Variants in CCDC9 observed in about 807,000 individuals in gnomAD.
CCDC9 encodes coiled-coil domain-containing protein 9.
A neutral mutation model predicts 65.6 loss-of-function variants in CCDC9; 52 were observed. The ratio of observed to expected loss-of-function variants is 0.79; its 90% CI spans 0.63 to 1.00. CCDC9 has a LOEUF of 1.00. Ranked by LOEUF, CCDC9 falls within the 50% of genes least tolerant of loss-of-function variation. The probability of loss-of-function intolerance (pLI) is 0.00; values close to 1 mark genes in which losing one functional copy is unlikely to be tolerated. For synonymous variants in CCDC9, 332 were observed against 280.3 expected, an observed-to-expected ratio of 1.18 and a Z score of -1.84; for missense variants, 834 against 757.2, an observed-to-expected ratio of 1.10 and a Z score of -1.19.
intron 8 of CCDC9, among the ~76,000 whole-genome samples, chr19:47,267,564 C>T (rs1348907673): frequency 6.6e-6 from 1 of 152,200 alleles, no homozygotes; most frequent in Non-Finnish European, 1.5e-5. Context: ...AGGCTGAGGG[C>T]AGCAGCTGCC....
In CCDC9 at chr19:47,271,361, A is replaced by G. The variant is rs146565921; in HGVS notation, c.1279A>G (p.Ile427Val). The G allele has an allele frequency of 4.3e-6, 7 of 1,613,542 alleles. No individual in the cohort carries two copies. The highest frequency in any genetic ancestry group is 3.3e-5 in the South Asian group (3 of 91,042). ...EGEEDEEWED[I>V]SEDEEEEEIE... Reference sequence around the variant, plus strand: ...GGAAGAGGATGAAGAATGGGAGGACATAAGTGAGGATGAGGAAGAGGAGGA... The same window carrying G: ...GGAAGAGGATGAAGAATGGGAGGACGTAAGTGAGGATGAGGAAGAGGAGGA... The change falls in exon 12 of 12, where the codon ATA becomes GTA. Residue 427 changes from isoleucine to valine, a missense_variant. Coordinates refer to ENST00000221922, the MANE Select transcript of CCDC9 (RefSeq NM_015603.3).
At chr19:47,270,522 C>A in intron 9 of CCDC9, 31 bp from the exon 10 acceptor site, 1 of 1,614,184 alleles carries the variant, frequency 6.2e-7, no homozygotes, top group Non-Finnish European at 8.5e-7. Context: ...CCACACCTTC[C>A]CTTCCCAATG....
chr19:47,263,341 C>G (rs1392181241), intron 5 of CCDC9, among the ~76,000 whole-genome samples: 1 of 152,012 alleles, frequency 6.6e-6, no homozygotes, highest in Non-Finnish European at 1.5e-5. Flanking sequence ...GATCACAAAG[C>G]AAAATCAGCA....
At chr19:47,272,116 C>A, downstream of CCDC9, 9 of 1,235,860 alleles carry the variant, frequency 7.3e-6, no homozygotes, top group South Asian at 3.6e-4. Flanking sequence ...GCCCAGCCTC[C>A]GAGGAACCCA....
downstream of CCDC9, chr19:47,274,801 G>T (rs868207831): frequency 1.4e-3 from 956 of 699,810 alleles, 9 homozygotes; most frequent in African/African-American, 0.018. Context: ...GACCATGCTG[G>T]CGGGGGCGGG....
At chr19:47,273,969 T>C, downstream of CCDC9, 1 of 984,798 alleles carries the variant, frequency 1.0e-6, no homozygotes, top group Non-Finnish European at 1.2e-6. Context: ...CCCGCAGGCC[T>C]CCCCGAATTC....
rs925738058 is a variant in CCDC9, at chr19:47,270,788, C to T, written c.1085+100C>T. On this transcript the variant is annotated intron_variant, in intron 10 of 11. Coordinates refer to ENST00000221922, the MANE Select transcript of CCDC9 (RefSeq NM_015603.3). ...AAGGTGTGGGTACATCTGTCTGTCCCTGTCTTTGTCTTGGCCCTGTCTATC... is the reference window on the plus strand; with the variant it reads ...AAGGTGTGGGTACATCTGTCTGTCCTTGTCTTTGTCTTGGCCCTGTCTATC... 2.6e-5 allele frequency: 35 copies of T among 1,333,296 alleles called. No individual in the cohort carries two copies. In the Middle Eastern group the frequency reaches 8.0e-4, roughly 31 times the overall value. 82.6% of individuals were successfully genotyped at this position (1,333,296 alleles called of 1,614,324 possible).
At chr19:47,274,273 T>G (rs2059142153), downstream of CCDC9, among the ~76,000 whole-genome samples, 1 of 105,824 alleles carries the variant, frequency 9.4e-6, no homozygotes, top group African/African-American at 3.7e-5. Context: ...CTAGGCTGCC[T>G]GGGCGGGGCC....
chr19:47,271,732 T>TGTGTGTGTGTGC lies in CCDC9; in HGVS notation c.*55_*56insTGTGTGTGTGCG, dbSNP rs2059123882. On this transcript the variant is annotated 3_prime_UTR_variant, in exon 12 of 12. Transcript: ENST00000221922. ...GTGTGTGTGTGTGTGTGTGTGTGTG[T>TGTGTGTGTGTGC]GCGCGCGCGCGCGCGCGCGCGCGCG... The TGTGTGTGTGTGC allele has an allele frequency of 3.8e-6, 2 of 528,234 alleles. No individual in the cohort carries two copies. The highest frequency in any genetic ancestry group is 4.8e-6 in the Non-Finnish European group (2 of 413,472). The allele number at this position is 528,234 out of a possible 1,614,324, so 32.7% of individuals were successfully genotyped here.
chr19:47,266,409 C>T, intron 7 of CCDC9: 1 of 630,816 alleles, frequency 1.6e-6, no homozygotes, highest in Non-Finnish European at 2.5e-6. Context: ...GAGAAAAATC[C>T]AGCAGCTGAG....
intron 3 of CCDC9, among the ~76,000 whole-genome samples, chr19:47,259,886 C>T (rs1600276745): frequency 1.3e-5 from 2 of 152,256 alleles, no homozygotes; most frequent in East Asian, 1.9e-4. Flanking sequence ...GGGAAGGCCT[C>T]ACGAGAAGGC....
intron 6 of CCDC9, 24 bp downstream of exon 6, chr19:47,264,710 G>C: frequency 6.2e-7 from 1 of 1,602,534 alleles, no homozygotes; most frequent in Non-Finnish European, 8.5e-7. Flanking sequence ...GTGTCCCCGA[G>C]GCAGGGCCGA....
At chr19:47,269,859 A>G (rs2059104124) in intron 8 of CCDC9, among the ~76,000 whole-genome samples, 1 of 152,248 alleles carries the variant, frequency 6.6e-6, no homozygotes. Flanking sequence ...TACTTGGGCA[A>G]GGGTCTGTGG....
chr19:47,270,008 AC>A (rs1418608629), intron 8 of CCDC9, among the ~76,000 whole-genome samples: 2 of 150,526 alleles, frequency 1.3e-5, no homozygotes, highest in Admixed American at 1.3e-4. Context: ...TCCCTCTGTC[AC>A]CCAGGCTCGA....
Position 47,270,505 on chromosome 19 carries a change from G to A in CCDC9, c.950-48G>A, listed in dbSNP as rs763155752. 2.4e-5 allele frequency: 38 copies of A among 1,614,204 alleles called. No homozygotes were observed. The Admixed American group carries it at 6.3e-4, about 27-fold the overall frequency. On this transcript the variant is annotated intron_variant, in intron 9 of 11. Transcript: ENST00000221922. Reference sequence around the variant, plus strand: ...AGGCTCGGTCTGGGAGTCAGGGGTGGTGTGTGCCACACCTTCCCTTCCCAA... The same window carrying A: ...AGGCTCGGTCTGGGAGTCAGGGGTGATGTGTGCCACACCTTCCCTTCCCAA...
downstream of CCDC9, chr19:47,274,893 C>A (rs573923574): frequency 8.1e-6 from 10 of 1,239,216 alleles, no homozygotes; most frequent in African/African-American, 1.4e-4. Context: ...GTGCGGTCTG[C>A]GGCGCGGAGC....
rs2059119040 is a variant in CCDC9 at position 47,271,661 on chromosome 19, C to T, written c.1579C>T (p.Pro527Ser). Residue 527 changes from proline to serine, a missense_variant, in exon 12 of 12, where the codon CCT becomes TCT. By Grantham distance (74) the Pro-to-Ser change is moderately conservative. Transcript: ENST00000221922. ...AGALSPGEAW[P>S]FESV ...CGCCCTCTCCCCGGGTGAGGCCTGG[C>T]CTTTTGAGAGTGTATGAAGCTGGCT... 6.3e-7 allele frequency: 1 copy of T among 1,589,732 alleles called. No homozygotes were observed. The highest frequency in any genetic ancestry group is 2.3e-5 in the East Asian group (1 of 43,816).
chr19:47,261,240 C>T (rs1304562184), intron 5 of CCDC9, among the ~76,000 whole-genome samples: 2 of 152,122 alleles, frequency 1.3e-5, no homozygotes, highest in East Asian at 1.9e-4. Context: ...CCCATCTCTC[C>T]TCCCTTTCTG....
Position 47,266,814 on chromosome 19 carries a change from C to G in CCDC9, c.902+22C>G, listed in dbSNP as rs759447821. ...GGATGTGAGTCTCCTCCCCGCTCCT[C>G]TCCCCATGTGGCACGTTGACCTTGG... On this transcript the variant is annotated intron_variant, in intron 8 of 11. Coordinates refer to ENST00000221922, the MANE Select transcript of CCDC9 (RefSeq NM_015603.3). 13 of 1,590,844 alleles carry G rather than the reference C, an allele frequency of 8.2e-6. No individual in the cohort carries two copies. In the South Asian group the frequency reaches 1.4e-4, roughly 17 times the overall value.
Sources: gnomAD v4.1 joint callset for allele counts (sites outside exome capture counted in the v4.1 genomes callset) on GRCh38, gnomAD v4.1.1 for gene constraint, MANE v1.5 for transcripts, NCBI Gene and HGNC (gene_info 2026-07-23, HGNC 2026-07-21) for gene names.